The following DMD variants were observed in gnomAD, a reference collection of about 807,000 sequenced individuals.
DMD encodes mutant dystrophin.
In DMD, 63 loss-of-function variants were observed where a neutral mutation model predicts 330.1. The observed-to-expected ratio is 0.19, with a 90% CI of 0.16 to 0.24. The LOEUF is 0.24. Among genes scored for constraint, DMD ranks in the 10% least tolerant of loss-of-function variants. The pLI is 1.00. For missense variants in DMD, 3,344 were observed against 2,684.1 expected (o/e 1.25, Z -5.43); for synonymous variants, 1,223 against 959.8 (o/e 1.27, Z -5.07).
At chrX:32,622,813 C>A (rs1602249223) in intron 11 of DMD, among the ~76,000 whole-genome samples, 1 of 111,615 alleles carries the variant, frequency 9.0e-6, no homozygotes, top group Non-Finnish European at 1.9e-5. Flanking sequence ...ATGGATACAG[C>A]CCACCTGGTG....
chrX:31,581,444 G>A (rs2148033691), intron 55 of DMD, among the ~76,000 whole-genome samples: 1 of 111,783 alleles, frequency 8.9e-6, no homozygotes, highest in East Asian at 2.8e-4. Flanking sequence ...TAGAAAAAGG[G>A]GAACAATATT....
chrX:33,231,810 T>C lies in DMD; in HGVS notation c.7+107449A>G, dbSNP rs747187082. 6.3e-5 allele frequency among the ~76,000 whole-genome samples: 7 copies of C among 111,492 alleles called. No individual in the cohort carries two copies. The South Asian group carries it at 2.6e-3, about 42-fold the overall frequency. ...AGATATAAGCTGCCATGGTGGGAAA[T>C]AAGGCACAAAGAGAGTGGAGGTCAA... is the stretch of plus-strand genomic sequence containing the variant. On this transcript the variant is annotated intron_variant, in intron 1 of 17. Transcript: ENST00000288447.
chrX:31,746,612 A>G lies in DMD; in HGVS notation c.7543-16864T>C, dbSNP rs761980185. Among the ~76,000 whole-genome samples the G allele has an allele frequency of 5.9e-4, 66 of 111,745 alleles. 2 individuals carry two copies. Among genetic ancestry groups the G allele is most frequent in the Non-Finnish European group, 5.8e-4 (31 of 53,108 alleles). On this transcript the variant is annotated intron_variant, in intron 51 of 78. Transcript: ENST00000357033. ...AATTAAGACATATGTTATATAGAAT[A>G]TATTTAATCCATGAGGTTTCAGCCT... is the stretch of plus-strand genomic sequence containing the variant.
chrX:31,932,166 A>G lies in DMD; in HGVS notation c.6676T>C (p.Trp2226Arg). ...FQRDLNEFVL[W>R]LEEADNIASI... ...GCAATGTTATCTGCTTCCTCCAACC[A>G]TAAAACAAATTCATTTAAATCTCTT... is the stretch of plus-strand genomic sequence containing the variant. The change falls in exon 46 of 79, where the codon TGG becomes CGG. Residue 2226 changes from tryptophan to arginine, a missense_variant. Coordinates refer to ENST00000357033, the MANE Select transcript of DMD (RefSeq NM_004006.3). 2.5e-6 allele frequency: 3 copies of G among 1,195,091 alleles called. No individual in the cohort carries two copies. The highest frequency in any genetic ancestry group is 3.4e-6 in the Non-Finnish European group (3 of 880,305).
At chrX:31,767,348 A>G (rs1460605845) in intron 51 of DMD, among the ~76,000 whole-genome samples, 1 of 111,852 alleles carries the variant, frequency 8.9e-6, no homozygotes, top group Non-Finnish European at 1.9e-5. Context: ...TTTGATGCCC[A>G]TGGAAATAAA....
intron 55 of DMD, among the ~76,000 whole-genome samples, chrX:31,520,998 G>A (rs960350490): frequency 1.8e-5 from 2 of 111,050 alleles, no homozygotes; most frequent in African/African-American, 6.6e-5. Flanking sequence ...CTTTTCAACT[G>A]AGAACAAGTA....
At chrX:32,144,796 G>A (rs764556905) in intron 44 of DMD, among the ~76,000 whole-genome samples, 2 of 111,764 alleles carry the variant, frequency 1.8e-5, no homozygotes, top group South Asian at 3.8e-4. Flanking sequence ...GCTTTGGGAA[G>A]CTGAGGAGGG....
At chrX:32,831,649 CGTGTGTGTGTGTGT>C (rs6151283) in intron 4 of DMD, among the ~76,000 whole-genome samples, 2,221 of 89,742 alleles carry the variant, frequency 0.025, 69 homozygotes, top group African/African-American at 0.081. Context: ...AAGATATTTA[CGTGTGTGTGTGTGT>C]GTGTGTGTGT....
At chrX:33,153,553 G>A (rs2048371603) in intron 1 of DMD, among the ~76,000 whole-genome samples, 2 of 112,448 alleles carry the variant, frequency 1.8e-5, no homozygotes, top group Admixed American at 9.4e-5. Context: ...AATTTAAAAC[G>A]TATGAAAACT....
In DMD at chrX:32,815,520, T is replaced by TATATATATACACACACACACAC; in HGVS notation, c.530+947_530+948insGTGTGTGTGTGTGTATATATAT. Among the ~76,000 whole-genome samples, 52 of 78,908 alleles carry TATATATATACACACACACACAC rather than the reference T, an allele frequency of 6.6e-4. 1 individual carries two copies. Among genetic ancestry groups the TATATATATACACACACACACAC allele is most frequent in the African/African-American group, 2.4e-3 (46 of 18,839 alleles). 68.5% of individuals were successfully genotyped at this position (78,908 alleles called of 115,157 possible). A position where few individuals can be genotyped will look rare whatever the true frequency, so the allele number is the denominator to read the frequency against. On this transcript the variant is annotated intron_variant, in intron 6 of 78. Coordinates refer to ENST00000357033, the MANE Select transcript of DMD (RefSeq NM_004006.3). ...ATATATATATATATATATATATATA[T>TATATATATACACACACACACAC]ACACACACACACACACATATATATA... is the stretch of plus-strand genomic sequence containing the variant.
At chrX:32,423,577 A>T (rs2098199569) in intron 29 of DMD, among the ~76,000 whole-genome samples, 1 of 111,005 alleles carries the variant, frequency 9.0e-6, no homozygotes, top group Non-Finnish European at 1.9e-5. Context: ...ATACAGACGA[A>T]CAAAAACATT....
chrX:31,646,253 TTGTGTGTGTG>T (rs3032279), intron 54 of DMD, among the ~76,000 whole-genome samples: 1,035 of 103,015 alleles, frequency 0.01, 4 homozygotes, highest in Middle Eastern at 0.015. Context: ...GTGTTGTGTG[TTGTGTGTGTG>T]TGTGTGTGTG....
chrX:32,364,560 CT>C (rs1330355609), intron 36 of DMD, 21 bp downstream of exon 36: 1 of 1,207,138 alleles, frequency 8.3e-7, no homozygotes, highest in Admixed American at 2.2e-5. Context: ...TTGGACATTA[CT>C]TTTCATATTT....
chrX:31,859,408 C>G (rs3892870), intron 48 of DMD, among the ~76,000 whole-genome samples: 12,244 of 111,754 alleles, frequency 0.11, 548 homozygotes, highest in South Asian at 0.24. Flanking sequence ...AGTTTTCATT[C>G]TGAGAATCAA....
chrX:32,416,818 A>C (rs1393540353), intron 29 of DMD, among the ~76,000 whole-genome samples: 1 of 111,728 alleles, frequency 9.0e-6, no homozygotes, highest in African/African-American at 3.3e-5. Context: ...ACCACGCTTC[A>C]CTTCACAGAG....
intron 67 of DMD, among the ~76,000 whole-genome samples, chrX:31,192,788 C>A (rs1057201589): frequency 1.8e-5 from 2 of 111,777 alleles, no homozygotes; most frequent in African/African-American, 6.5e-5. Flanking sequence ...AAAGACAGGA[C>A]AAAAGTGATT....
At position 32,452,475 on chromosome X, in the gene DMD, GGAAAGGAAAGGAAAGGAAAGGAAA is replaced by G. The variant is rs1569563194; in HGVS notation, c.3603+2163_3603+2186del. Among the ~76,000 whole-genome samples the G allele has an allele frequency of 4.4e-4, 8 of 18,009 alleles. 2 individuals are homozygous for G. Among genetic ancestry groups the G allele is most frequent in the Non-Finnish European group, 5.1e-4 (4 of 7,916 alleles). The allele number at this position is 18,009 out of a possible 115,157, so 15.6% of individuals were successfully genotyped here. A position where few individuals can be genotyped will look rare whatever the true frequency, so the allele number is the denominator to read the frequency against. On this transcript the variant is annotated intron_variant, in intron 26 of 78. Transcript: ENST00000357033. Reference sequence around the variant, plus strand: ...GGAAAGGAAAGGAAAGGAAAGGAAAGGAAAGGAAAGGAAAGGAAAGGAAAGGAAAGGAAAGGAAAGGAAAGGAAA... The same window carrying G: ...GGAAAGGAAAGGAAAGGAAAGGAAAGGGAAAGGAAAGGAAAGGAAAGGAAA...
At chrX:31,842,796 T>C (rs1187003692) in intron 48 of DMD, among the ~76,000 whole-genome samples, 1 of 111,467 alleles carries the variant, frequency 9.0e-6, no homozygotes, top group African/African-American at 3.3e-5. Flanking sequence ...GATACTGAGG[T>C]TTGGAGTATG....
At chrX:31,428,686 A>G (rs7054748) in intron 60 of DMD, among the ~76,000 whole-genome samples, 30,927 of 111,154 alleles carry the variant, frequency 0.28, 5,467 homozygotes, top group African/African-American at 0.65. Flanking sequence ...AGCTACTGAA[A>G]TTCTGATCTA....
Sources: allele counts gnomAD v4.1 joint callset (sites outside exome capture counted in the v4.1 genomes callset), GRCh38; gene constraint gnomAD v4.1.1; transcripts MANE v1.5; gene names NCBI Gene and HGNC (gene_info 2026-07-23, HGNC 2026-07-21).